Variants in USH2A observed in about 807,000 individuals in gnomAD.
USH2A encodes the protein usherin.
USH2A carries 443 observed loss-of-function variants against 538.9 expected under a neutral mutation model. The observed-to-expected ratio is 0.82, with a 90% CI of 0.76 to 0.89. USH2A has a LOEUF of 0.89. Ranked by LOEUF, USH2A falls within the 40% of genes least tolerant of loss-of-function variation. The pLI is 0.00. For synonymous variants in USH2A, 2,413 were observed against 2,273.5 expected, an observed-to-expected ratio of 1.06 and a Z score of -1.75; for missense variants, 6,633 against 6,324.8, an observed-to-expected ratio of 1.05 and a Z score of -1.65.
chr1:216,245,858 C>G (rs1228883205), intron 13 of USH2A, among the ~76,000 whole-genome samples: 1 of 152,120 alleles, frequency 6.6e-6, no homozygotes, highest in Non-Finnish European at 1.5e-5. Context: ...TTTATAGACC[C>G]ATATAACTCA....
chr1:215,882,503 T>G (rs1664938425), intron 41 of USH2A, among the ~76,000 whole-genome samples: 2 of 152,162 alleles, frequency 1.3e-5, no homozygotes, highest in Admixed American at 1.3e-4. Flanking sequence ...TCTATTTGTA[T>G]TTTTTCAATC....
chr1:216,013,089 G>A lies in USH2A; in HGVS notation c.6326-12527C>T, dbSNP rs530830012. ...TAATCTTTGCTGGCAGGACTATGCT[G>A]AATCTCCTTAGGCACTCTCTAATCA... On this transcript the variant is annotated intron_variant, in intron 32 of 71. Transcript: ENST00000307340. Among the ~76,000 whole-genome samples, 514 of 152,254 alleles carry A rather than the reference G, an allele frequency of 3.4e-3. 1 individual carries two copies. The highest frequency in any genetic ancestry group is 0.012 in the African/African-American group (478 of 41,530).
At chr1:216,097,595 T>C (rs924856384) in intron 21 of USH2A, among the ~76,000 whole-genome samples, 1 of 152,208 alleles carries the variant, frequency 6.6e-6, no homozygotes. Flanking sequence ...AGGGTCTTGC[T>C]TAAAATATTT....
intron 3 of USH2A, among the ~76,000 whole-genome samples, chr1:216,385,458 G>T (rs542756813): frequency 6.6e-6 from 1 of 152,212 alleles, no homozygotes; most frequent in East Asian, 1.9e-4. Flanking sequence ...AATGGTATGA[G>T]AATATGGGAG....
At position 216,422,328 on chromosome 1, in the gene USH2A, G is replaced by A; in HGVS notation, c.9C>T (p.Cys3=). The A allele has an allele frequency of 6.2e-7, 1 of 1,613,672 alleles. No homozygotes were observed. The highest frequency in any genetic ancestry group is 8.5e-7 in the Non-Finnish European group (1 of 1,179,804). Residue 3 remains cysteine (C), a synonymous_variant, in exon 2 of 72, where the codon TGC becomes TGT. Transcript: ENST00000307340. MN[C]PVLSLGSGFL... ...AGCCAGAGCCCAATGAAAGAACTGG[G>A]CAATTCATGTTTACAAAAAAGCATT...
intron 61 of USH2A, among the ~76,000 whole-genome samples, chr1:215,718,073 G>A (rs73084804): frequency 0.034 from 5,166 of 152,192 alleles, 273 homozygotes; most frequent in African/African-American, 0.12. Context: ...GAGACTTCAA[G>A]TCCATAGATA....
At chr1:215,854,070 G>A (rs975169252) in intron 44 of USH2A, among the ~76,000 whole-genome samples, 2 of 152,116 alleles carry the variant, frequency 1.3e-5, no homozygotes, top group Non-Finnish European at 2.9e-5. Flanking sequence ...TCATGCTGCT[G>A]ATAAAGACAT....
chr1:215,932,232 A>G (rs1271504967), intron 38 of USH2A, among the ~76,000 whole-genome samples: 6 of 151,990 alleles, frequency 3.9e-5, no homozygotes, highest in Admixed American at 3.9e-4. Context: ...GGAAAAGTAA[A>G]TAGCATATAG....
chr1:215,815,019 A>G (rs977222496), intron 48 of USH2A, among the ~76,000 whole-genome samples: 1 of 152,086 alleles, frequency 6.6e-6, no homozygotes, highest in African/African-American at 2.4e-5. Context: ...TTTAGCCAAA[A>G]AGCTTTTAAA....
intron 11 of USH2A, among the ~76,000 whole-genome samples, chr1:216,263,759 T>A (rs1040364979): frequency 7.9e-5 from 12 of 152,032 alleles, no homozygotes; most frequent in Non-Finnish European, 1.6e-4. Context: ...GAACTAGAAA[T>A]TCCTAGCCAG....
intron 19 of USH2A, among the ~76,000 whole-genome samples, chr1:216,192,938 G>T (rs2034750056): frequency 6.6e-6 from 1 of 152,036 alleles, no homozygotes; most frequent in Admixed American, 6.6e-5. Context: ...GAGCAAAAAT[G>T]GTTTTCCCAT....
At chr1:215,965,774 A>C (rs959135776) in intron 36 of USH2A, among the ~76,000 whole-genome samples, 3 of 151,968 alleles carry the variant, frequency 2.0e-5, no homozygotes, top group Admixed American at 1.3e-4. Context: ...CCATAGACCA[A>C]TTCTAGGACT....
intron 14 of USH2A, among the ~76,000 whole-genome samples, chr1:216,226,782 C>A (rs1429718585): frequency 5.9e-5 from 9 of 152,310 alleles, no homozygotes; most frequent in African/African-American, 2.2e-4. Flanking sequence ...ACTAAGACAA[C>A]CTTACCCTGT....
chr1:216,032,499 C>T (rs753847952), intron 32 of USH2A, among the ~76,000 whole-genome samples: 29 of 152,080 alleles, frequency 1.9e-4, no homozygotes, highest in Non-Finnish European at 1.9e-4. Context: ...GAATGACTCC[C>T]AGTGACACAC....
chr1:215,710,044 A>G (rs892097728), intron 61 of USH2A, among the ~76,000 whole-genome samples: 2 of 152,218 alleles, frequency 1.3e-5, no homozygotes, highest in African/African-American at 4.8e-5. Context: ...GATCAGTTAC[A>G]CTGAAAAAGG....
intron 64 of USH2A, among the ~76,000 whole-genome samples, chr1:215,664,090 C>A (rs1167437431): frequency 6.6e-6 from 1 of 152,126 alleles, no homozygotes; most frequent in Non-Finnish European, 1.5e-5. Flanking sequence ...TCCTTCAATG[C>A]CCTTCCCAGA....
chr1:216,420,853 A>C (rs1041205123), intron 2 of USH2A, among the ~76,000 whole-genome samples: 2 of 152,168 alleles, frequency 1.3e-5, no homozygotes, highest in African/African-American at 4.8e-5. Context: ...AGACATGCCA[A>C]CTTTCACTTG....
rs746265112 is a variant in USH2A at position 216,050,604 on chromosome 1, CTTTTTTTTTTT to C, written c.6050-1968_6050-1958del. Among the ~76,000 whole-genome samples the C allele has an allele frequency of 4.8e-4, 33 of 68,586 alleles. 4 individuals are homozygous for C. The highest frequency in any genetic ancestry group is 1.6e-3 in the African/African-American group (30 of 18,806). 45.0% of individuals were successfully genotyped at this position (68,586 alleles called of 152,430 possible). ...TCTTTCTTTCTTTCTTTCTTTCTTT[CTTTTTTTTTTT>C]TTTTTTTGAGACAGAGTCTCGCTCA... On this transcript the variant is annotated intron_variant, in intron 30 of 71. Transcript: ENST00000307340.
intron 20 of USH2A, among the ~76,000 whole-genome samples, chr1:216,182,775 C>G (rs1022045111): frequency 2.0e-5 from 3 of 152,026 alleles, no homozygotes; most frequent in Non-Finnish European, 4.4e-5. Context: ...CTGCAATATT[C>G]CTTTTTCAAG....
Sources: gnomAD v4.1 joint callset for allele counts (sites outside exome capture counted in the v4.1 genomes callset) on GRCh38, gnomAD v4.1.1 for gene constraint, MANE v1.5 for transcripts, NCBI Gene and HGNC (gene_info 2026-07-23, HGNC 2026-07-21) for gene names.